CHD7: variants seen among roughly 807,000 people sequenced by gnomAD.
CHD7 encodes the protein ATP-dependent chromatin remodeler CHD7.
In CHD7, 24 loss-of-function variants were observed where a neutral mutation model predicts 307.3. The observed-to-expected ratio is 0.08, with a 90% CI of 0.06 to 0.11. The LOEUF is 0.11. CHD7 is among the 10% of genes least tolerant of loss of function. The pLI, the probability that CHD7 is intolerant of heterozygous loss-of-function variation, is 1.00. For missense variants in CHD7, 3,106 were observed against 3,727.1 expected, an observed-to-expected ratio of 0.83 and a Z score of 4.34; for synonymous variants, 1,363 against 1,349.9, an observed-to-expected ratio of 1.01 and a Z score of -0.21.
intron 25 of CHD7, among the ~76,000 whole-genome samples, chr8:60,849,806 G>A (rs934766676): frequency 9.2e-5 from 14 of 152,208 alleles, no homozygotes; most frequent in Non-Finnish European, 1.5e-4. Flanking sequence ...GCAGTTAGGA[G>A]CGGTGTGTTG....
At chr8:60,863,510 A>G (rs995356087) in intron 37 of CHD7, 1 of 152,200 alleles carries the variant, frequency 6.6e-6, no homozygotes, top group East Asian at 1.9e-4. Context: ...TTTTGAAACT[A>G]TGATTAGAGC....
At chr8:60,840,144 G>T (rs76401987) in intron 19 of CHD7, among the ~76,000 whole-genome samples, 1 of 152,218 alleles carries the variant, frequency 6.6e-6, no homozygotes, top group East Asian at 1.9e-4. Flanking sequence ...ATCCCATTTG[G>T]ATAGAGTTTT....
Position 60,865,569 on chromosome 8 carries a change from C to A in CHD7, c.8630C>A (p.Ala2877Asp). ...TCTGCGAATGGATCTGTTGGTGCTGCTACTGCCCCGGCTGGATTGCCCTCA... is the reference window on the plus strand; with the variant it reads ...TCTGCGAATGGATCTGTTGGTGCTGATACTGCCCCGGCTGGATTGCCCTCA... ...ADSANGSVGA[A>D]TAPAGLPSNP... The change falls in exon 38 of 38, where the codon GCT (alanine) becomes GAT (aspartate). Residue 2877 changes from alanine (A) to aspartate (D), a missense_variant. Coordinates refer to ENST00000423902, the MANE Select transcript of CHD7 (RefSeq NM_017780.4). The surrounding 1 kb of genome is among the most constrained non-coding windows in gnomAD (Gnocchi z 4.3). 1.9e-6 allele frequency: 3 copies of A among 1,614,054 alleles called. No homozygotes were observed. The highest frequency in any genetic ancestry group is 2.5e-6 in the Non-Finnish European group (3 of 1,179,894).
At chr8:60,778,142 G>C (rs1012480256) in intron 2 of CHD7, among the ~76,000 whole-genome samples, 1 of 152,086 alleles carries the variant, frequency 6.6e-6, no homozygotes, top group African/African-American at 2.4e-5. Context: ...ACTTTGTCAG[G>C]GTATTACTGG....
At chr8:60,722,305 A>C (rs1807948442) in intron 1 of CHD7, among the ~76,000 whole-genome samples, 1 of 151,822 alleles carries the variant, frequency 6.6e-6, no homozygotes, top group African/African-American at 2.4e-5. Context: ...TTCTAGTTCT[A>C]CTCCATGGGT....
intron 3 of CHD7, among the ~76,000 whole-genome samples, chr8:60,782,964 T>G (rs930808088): frequency 2.6e-5 from 4 of 152,136 alleles, no homozygotes; most frequent in Non-Finnish European, 5.9e-5. Flanking sequence ...TTAAAAAGAA[T>G]ATAATCTTTT....
At chr8:60,700,530 G>A (rs1263922503) in intron 1 of CHD7, among the ~76,000 whole-genome samples, 1 of 152,188 alleles carries the variant, frequency 6.6e-6, no homozygotes, top group Non-Finnish European at 1.5e-5. Context: ...ATGAGACGAT[G>A]CCATGATGTT....
chr8:60,757,754 A>G (rs1038352), intron 2 of CHD7, among the ~76,000 whole-genome samples: 116,811 of 151,640 alleles, frequency 0.77, 45,266 homozygotes, highest in East Asian at 0.94. Context: ...AGCCACTCTG[A>G]TTTGATACTT....
chr8:60,726,937 G>T (rs889507000), intron 1 of CHD7, among the ~76,000 whole-genome samples: 1 of 151,860 alleles, frequency 6.6e-6, no homozygotes, highest in Non-Finnish European at 1.5e-5. Flanking sequence ...TTGTATCTTT[G>T]CCCCTTCTTA....
At chr8:60,751,171 G>C (rs1237655354) in intron 2 of CHD7, among the ~76,000 whole-genome samples, 1 of 152,106 alleles carries the variant, frequency 6.6e-6, no homozygotes, top group Non-Finnish European at 1.5e-5. Flanking sequence ...GGATACTTTT[G>C]GTAGTTAATT....
intron 34 of CHD7, among the ~76,000 whole-genome samples, chr8:60,859,281 GTGTT>G (rs1805855977): frequency 6.6e-6 from 1 of 152,200 alleles, no homozygotes; most frequent in Non-Finnish European, 1.5e-5. Flanking sequence ...AAGGCCAGCA[GTGTT>G]ACCTGGATGA....
At chr8:60,720,249 G>C (rs1807830223) in intron 1 of CHD7, among the ~76,000 whole-genome samples, 1 of 152,184 alleles carries the variant, frequency 6.6e-6, no homozygotes, top group Non-Finnish European at 1.5e-5. Context: ...TGGCACGGCT[G>C]TAAAGATCAT....
chr8:60,866,521 G>C lies in CHD7; in HGVS notation c.*588G>C, dbSNP rs1436386913. On this transcript the variant is annotated 3_prime_UTR_variant, in exon 38 of 38. Transcript: ENST00000423902. ...CAATAATAAGGCAGCTGTTGAATGT[G>C]AAGGGTCCCTTTGGAAAATTAACCT... is the stretch of plus-strand genomic sequence containing the variant. 1 of 152,590 alleles carries C rather than the reference G, an allele frequency of 6.6e-6. No individual in the cohort carries two copies. Among genetic ancestry groups the C allele is most frequent in the Non-Finnish European group, 1.5e-5 (1 of 68,032 alleles). The allele number at this position is 152,590 out of a possible 1,614,324, so 9.5% of individuals were successfully genotyped here.
chr8:60,736,129 A>C (rs1808694310), intron 1 of CHD7, among the ~76,000 whole-genome samples: 1 of 152,192 alleles, frequency 6.6e-6, no homozygotes, highest in African/African-American at 2.4e-5. Flanking sequence ...CATGAAGCAA[A>C]TACGGAAAAT....
At chr8:60,844,452 G>T (rs569491968) in intron 21 of CHD7, among the ~76,000 whole-genome samples, 20 of 152,264 alleles carry the variant, frequency 1.3e-4, no homozygotes, top group African/African-American at 4.8e-4. Context: ...TTGATTTTGG[G>T]GTAGTCACAC....
rs1353587183 is a variant in CHD7, at chr8:60,741,383, A to C, written c.-50A>C. ...GGCAAACACCTCAGTGAAGTGAAGC[A>C]CAGGCAAGCTCCTGAGCTGTGGTTT... On this transcript the variant is annotated 5_prime_UTR_variant, in exon 2 of 38. Transcript: ENST00000423902. 3.7e-6 allele frequency: 5 copies of C among 1,365,504 alleles called. No individual in the cohort carries two copies. In the East Asian group the frequency reaches 1.2e-4, roughly 33 times the overall value. The allele number at this position is 1,365,504 out of a possible 1,614,324, so 84.6% of individuals were successfully genotyped here.
intron 3 of CHD7, among the ~76,000 whole-genome samples, chr8:60,784,036 C>A (rs951338911): frequency 6.6e-6 from 1 of 152,116 alleles, no homozygotes; most frequent in Non-Finnish European, 1.5e-5. Flanking sequence ...ATTGTGGTCT[C>A]GTTGTTCTAC....
chr8:60,711,359 C>T (rs1367872795), intron 1 of CHD7, among the ~76,000 whole-genome samples: 2 of 152,108 alleles, frequency 1.3e-5, no homozygotes, highest in African/African-American at 4.8e-5. Context: ...AGTTTCAAAC[C>T]AAACTGTAGC....
At chr8:60,764,677 T>G (rs955789634) in intron 2 of CHD7, among the ~76,000 whole-genome samples, 1 of 152,220 alleles carries the variant, frequency 6.6e-6, no homozygotes, top group Non-Finnish European at 1.5e-5. Context: ...TACAATGTGC[T>G]GGATGCTATG....
Sources: allele counts gnomAD v4.1 joint callset (sites outside exome capture counted in the v4.1 genomes callset), GRCh38; gene constraint gnomAD v4.1.1; non-coding constraint Gnocchi (gnomAD v3.1); transcripts MANE v1.5; gene names NCBI Gene and HGNC (gene_info 2026-07-23, HGNC 2026-07-21).